PPP1R16B: variants seen among roughly 807,000 people sequenced by gnomAD.
PPP1R16B encodes protein phosphatase 1 regulatory inhibitor subunit 16B.
A neutral mutation model predicts 61.7 loss-of-function variants in PPP1R16B; 14 were observed. The observed-to-expected ratio is 0.23, with a 90% CI of 0.15 to 0.35. The LOEUF is 0.35. PPP1R16B is among the 10% of genes least tolerant of loss of function. PPP1R16B has a pLI of 1.00. For synonymous variants in PPP1R16B, 266 were observed against 305.3 expected (o/e 0.87, Z 1.34); for missense variants, 547 against 752.5 (o/e 0.73, Z 3.19).
At chr20:38,898,629 G>A (rs1003612459) in intron 4 of PPP1R16B, among the ~76,000 whole-genome samples, 1 of 152,162 alleles carries the variant, frequency 6.6e-6, no homozygotes, top group African/African-American at 2.4e-5. Context: ...GGCCAACATA[G>A]TGAGACCCTG....
chr20:38,817,644 A>C (rs1260236018), intron 1 of PPP1R16B, among the ~76,000 whole-genome samples: 2 of 152,176 alleles, frequency 1.3e-5, no homozygotes. Context: ...GTGCCTGGAA[A>C]GCCCTTAAGA....
intron 1 of PPP1R16B, 31 bp from the exon 2 acceptor site, chr20:38,835,794 G>A (rs1312337237): frequency 3.7e-6 from 4 of 1,067,402 alleles, no homozygotes; most frequent in East Asian, 5.3e-5. Context: ...TCTGACACAT[G>A]TGTTCATCTG....
chr20:38,842,698 C>A (rs957433559), intron 2 of PPP1R16B, among the ~76,000 whole-genome samples: 4 of 152,076 alleles, frequency 2.6e-5, no homozygotes, highest in Non-Finnish European at 4.4e-5. Flanking sequence ...CCCCCTCCCC[C>A]ACCCCCAGGC....
intron 1 of PPP1R16B, among the ~76,000 whole-genome samples, chr20:38,824,059 AG>A (rs528087834): frequency 2.2e-3 from 338 of 152,328 alleles, no homozygotes; most frequent in African/African-American, 7.6e-3. Flanking sequence ...CCTAGTTACG[AG>A]TTCCCTAACC....
intron 2 of PPP1R16B, among the ~76,000 whole-genome samples, chr20:38,871,976 T>G (rs1308918927): frequency 2.0e-5 from 3 of 152,190 alleles, no homozygotes; most frequent in African/African-American, 7.2e-5. Context: ...ATAAAAATAT[T>G]AATGGGTATG....
intron 2 of PPP1R16B, among the ~76,000 whole-genome samples, chr20:38,871,216 A>C (rs538104377): frequency 6.6e-6 from 1 of 152,266 alleles, no homozygotes; most frequent in East Asian, 1.9e-4. Context: ...TCCTGGCCCC[A>C]GTACCTGAGC....
rs1203427919 is a variant in PPP1R16B, at chr20:38,806,350, C to T, written c.-102+558C>T. 6.6e-6 allele frequency among the ~76,000 whole-genome samples: 1 copy of T among 152,086 alleles called. No homozygotes were observed. The highest frequency in any genetic ancestry group is 2.4e-5 in the African/African-American group (1 of 41,430). On this transcript the variant is annotated intron_variant, in intron 1 of 10. Transcript: ENST00000299824. The surrounding 1 kb of genome is among the most constrained non-coding windows in gnomAD (Gnocchi z 4.5). Reference sequence around the variant, plus strand: ...AAGGCAGGCGCCTCCACCTGCAGACCCGCCCCGCCTCAGGATCCGGCTGAC... The same window carrying T: ...AAGGCAGGCGCCTCCACCTGCAGACTCGCCCCGCCTCAGGATCCGGCTGAC...
intron 3 of PPP1R16B, 134 bp from the exon 4 acceptor site, chr20:38,895,431 A>C (rs77208150): frequency 9.4e-7 from 1 of 1,063,736 alleles, no homozygotes. Context: ...CAGTGTGAAC[A>C]TCATGGAGCT....
intron 1 of PPP1R16B, among the ~76,000 whole-genome samples, chr20:38,811,700 T>C (rs759530412): frequency 9.2e-5 from 14 of 152,368 alleles, no homozygotes; most frequent in Non-Finnish European, 1.5e-4. Context: ...TATTTGGCAA[T>C]GTCTAAAGAC....
At chr20:38,866,900 C>G (rs1446066811) in intron 2 of PPP1R16B, among the ~76,000 whole-genome samples, 1 of 152,210 alleles carries the variant, frequency 6.6e-6, no homozygotes, top group East Asian at 1.9e-4. Flanking sequence ...AAACCCTGGA[C>G]TCATTAGCAG....
At chr20:38,824,913 G>C (rs1432392375) in intron 1 of PPP1R16B, among the ~76,000 whole-genome samples, 1 of 152,164 alleles carries the variant, frequency 6.6e-6, no homozygotes, top group Non-Finnish European at 1.5e-5. Flanking sequence ...AGAATCACTT[G>C]AACCCAGGAG....
intron 1 of PPP1R16B, among the ~76,000 whole-genome samples, chr20:38,835,558 A>T (rs1349618062): frequency 6.6e-6 from 1 of 152,238 alleles, no homozygotes; most frequent in Non-Finnish European, 1.5e-5. Context: ...TGAAATGTGG[A>T]TAGTGCAACC....
At position 38,847,683 on chromosome 20, in the gene PPP1R16B, GCTT is replaced by G. The variant is rs2084943716; in HGVS notation, c.250+11512_250+11514del. 3.9e-5 allele frequency among the ~76,000 whole-genome samples: 6 copies of G among 152,146 alleles called. No homozygotes were observed. In the South Asian group the frequency reaches 1.2e-3, roughly 32 times the overall value. Reference sequence around the variant, plus strand: ...ATTTGTTCATTTTTTTTACTAGTGTGCTTCTTATTGGTTTCAATGATTGTGTAC... The same window carrying G: ...ATTTGTTCATTTTTTTTACTAGTGTGCTTATTGGTTTCAATGATTGTGTAC... On this transcript the variant is annotated intron_variant, in intron 2 of 10. Transcript: ENST00000299824.
intron 10 of PPP1R16B, among the ~76,000 whole-genome samples, 182 bp from the exon 11 acceptor site, chr20:38,917,975 C>T (rs886973755): frequency 1.3e-5 from 2 of 152,172 alleles, no homozygotes; most frequent in Non-Finnish European, 1.5e-5. Context: ...GGCCAGGGGT[C>T]GGTCAACTGT....
rs575882850 is a variant in PPP1R16B, at chr20:38,814,823, C to T, written c.-102+9031C>T. Among the ~76,000 whole-genome samples the T allele has an allele frequency of 2.0e-5, 3 of 152,284 alleles. No homozygotes were observed. In the South Asian group the frequency reaches 6.2e-4, roughly 32 times the overall value. ...TTAGTCAGAACTGCCTTTGTTTCCT[C>T]ACATCCAAGAACAAGTAAAACATAC... On this transcript the variant is annotated intron_variant, in intron 1 of 10. Coordinates refer to ENST00000299824, the MANE Select transcript of PPP1R16B (RefSeq NM_015568.4).
At chr20:38,828,535 C>T (rs776209437) in intron 1 of PPP1R16B, among the ~76,000 whole-genome samples, 3 of 152,168 alleles carry the variant, frequency 2.0e-5, no homozygotes, top group Non-Finnish European at 2.9e-5. Context: ...GTCCTGAGAC[C>T]CCTTACTTAA....
At chr20:38,836,282 C>T (rs910554475) in intron 2 of PPP1R16B, 107 bp downstream of exon 2, 90 of 1,457,694 alleles carry the variant, frequency 6.2e-5, no homozygotes, top group Non-Finnish European at 7.6e-5. Flanking sequence ...GGTCTGCAGA[C>T]CCACTTCCAA....
intron 2 of PPP1R16B, among the ~76,000 whole-genome samples, chr20:38,846,836 T>A (rs996902150): frequency 3.9e-5 from 6 of 152,024 alleles, no homozygotes; most frequent in African/African-American, 9.7e-5. Flanking sequence ...AGACCCCATA[T>A]CTACACGAAA....
At chr20:38,858,192 C>T (rs1324006566) in intron 2 of PPP1R16B, among the ~76,000 whole-genome samples, 8 of 152,144 alleles carry the variant, frequency 5.3e-5, no homozygotes, top group Admixed American at 1.3e-4. Flanking sequence ...CAAATTCCAT[C>T]GCACTGGGGA....
Sources: gnomAD v4.1 joint callset for allele counts (sites outside exome capture counted in the v4.1 genomes callset) on GRCh38, gnomAD v4.1.1 for gene constraint, Gnocchi (gnomAD v3.1) non-coding constraint, MANE v1.5 for transcripts, NCBI Gene and HGNC (gene_info 2026-07-23, HGNC 2026-07-21) for gene names.